PDSS2: variants seen among roughly 807,000 people sequenced by gnomAD.
The protein encoded by PDSS2 is all trans-polyprenyl-diphosphate synthase PDSS2.
PDSS2 carries 31 observed loss-of-function variants against 44.5 expected under a neutral mutation model. The observed-to-expected ratio is 0.70, with a 90% CI of 0.52 to 0.94. The LOEUF is 0.94. PDSS2 is among the 40% of genes least tolerant of loss of function. PDSS2 has a pLI of 0.00. For missense variants in PDSS2, 452 were observed against 482.2 expected, an observed-to-expected ratio of 0.94 and a Z score of 0.59; for synonymous variants, 157 against 180.3, an observed-to-expected ratio of 0.87 and a Z score of 1.03.
At position 107,409,658 on chromosome 6, in the gene PDSS2, T is replaced by C. The variant is rs146256231; in HGVS notation, c.296+49332A>G. On this transcript the variant is annotated intron_variant, in intron 1 of 7. Coordinates refer to ENST00000369037, the MANE Select transcript of PDSS2 (RefSeq NM_020381.4). ...TCCTTCTACTACAACCAAAACAATA[T>C]ACAGCAGGATTTAACTAACATTATG... is the stretch of plus-strand genomic sequence containing the variant. 1.3e-4 allele frequency among the ~76,000 whole-genome samples: 20 copies of C among 152,282 alleles called. No homozygotes were observed. In the East Asian group the frequency reaches 3.9e-3, roughly 29 times the overall value.
At chr6:107,432,882 T>C (rs1484111349) in intron 1 of PDSS2, among the ~76,000 whole-genome samples, 1 of 152,200 alleles carries the variant, frequency 6.6e-6, no homozygotes, top group Non-Finnish European at 1.5e-5. Context: ...TCTTCCCATC[T>C]AGTTGTAACT....
intron 4 of PDSS2, among the ~76,000 whole-genome samples, chr6:107,235,964 C>T (rs994449022): frequency 5.3e-5 from 8 of 151,704 alleles, no homozygotes; most frequent in Non-Finnish European, 1.2e-4. Context: ...TTAAAGCAGC[C>T]TACTATGTAA....
chr6:107,310,046 G>A (rs1167036563), intron 2 of PDSS2, among the ~76,000 whole-genome samples: 1 of 152,136 alleles, frequency 6.6e-6, no homozygotes, highest in East Asian at 1.9e-4. Context: ...AGCACTTCAG[G>A]AGGCTGAGGC....
At chr6:107,196,663 C>T (rs571583399) in intron 6 of PDSS2, among the ~76,000 whole-genome samples, 1 of 152,318 alleles carries the variant, frequency 6.6e-6, no homozygotes, top group South Asian at 2.1e-4. Flanking sequence ...CAGAAACTCA[C>T]CAAGTGATGC....
At chr6:107,358,584 T>C (rs944053424) in intron 1 of PDSS2, among the ~76,000 whole-genome samples, 25 of 152,172 alleles carry the variant, frequency 1.6e-4, no homozygotes, top group African/African-American at 5.8e-4. Flanking sequence ...TCTATATCCA[T>C]AAGTAGCCAG....
intron 2 of PDSS2, among the ~76,000 whole-genome samples, chr6:107,280,111 G>A (rs1775911696): frequency 6.6e-6 from 1 of 152,148 alleles, no homozygotes; most frequent in Admixed American, 6.6e-5. Flanking sequence ...CCAGGCTGGA[G>A]TGCAGTAACG....
chr6:107,364,950 C>CG (rs1368016038), intron 1 of PDSS2, among the ~76,000 whole-genome samples: 3 of 152,112 alleles, frequency 2.0e-5, no homozygotes, highest in Non-Finnish European at 2.9e-5. Flanking sequence ...CTGGGGGAGG[C>CG]GGGGAAGGCT....
At chr6:107,429,884 CAAAAA>C (rs1163895804) in intron 1 of PDSS2, among the ~76,000 whole-genome samples, 46 of 5,360 alleles carry the variant, frequency 8.6e-3, no homozygotes, top group African/African-American at 0.018. Flanking sequence ...AACTTAGTCT[CAAAAA>C]AAAAAAAAAA....
At chr6:107,454,820 G>T (rs1781985226) in intron 1 of PDSS2, among the ~76,000 whole-genome samples, 1 of 152,016 alleles carries the variant, frequency 6.6e-6, no homozygotes, top group Non-Finnish European at 1.5e-5. Context: ...AAAAAATACA[G>T]CTGCTTAATC....
chr6:107,443,328 T>C (rs1211330459), intron 1 of PDSS2, among the ~76,000 whole-genome samples: 1 of 152,224 alleles, frequency 6.6e-6, no homozygotes, highest in Admixed American at 6.5e-5. Flanking sequence ...AGGATAAAAT[T>C]AGATCATCTT....
chr6:107,161,268 C>T (rs1361274745), intron 7 of PDSS2, among the ~76,000 whole-genome samples: 3 of 151,808 alleles, frequency 2.0e-5, no homozygotes, highest in South Asian at 4.2e-4. Context: ...ATCACGAGGT[C>T]GGGAGATCGA....
intron 1 of PDSS2, among the ~76,000 whole-genome samples, chr6:107,366,989 T>C (rs1364641055): frequency 6.6e-6 from 1 of 152,134 alleles, no homozygotes; most frequent in East Asian, 1.9e-4. Context: ...CTGAGGTCAG[T>C]ACTTACCCTA....
At chr6:107,164,772 C>T (rs1196618808) in intron 7 of PDSS2, among the ~76,000 whole-genome samples, 31 of 152,192 alleles carry the variant, frequency 2.0e-4, no homozygotes, top group Admixed American at 2.0e-3. Flanking sequence ...AACTAGTTTA[C>T]AGTTCCATCA....
At chr6:107,447,911 A>T (rs1017939663) in intron 1 of PDSS2, among the ~76,000 whole-genome samples, 2 of 152,170 alleles carry the variant, frequency 1.3e-5, no homozygotes, top group South Asian at 2.1e-4. Flanking sequence ...CTAGGCAGAG[A>T]TTTCCAAACC....
intron 2 of PDSS2, among the ~76,000 whole-genome samples, chr6:107,325,037 A>G (rs1182980784): frequency 6.6e-6 from 1 of 151,934 alleles, no homozygotes; most frequent in Non-Finnish European, 1.5e-5. Context: ...AATTCCCTAA[A>G]TGTAAAGGTT....
intron 7 of PDSS2, among the ~76,000 whole-genome samples, chr6:107,183,447 C>T (rs1772055626): frequency 6.6e-6 from 1 of 152,138 alleles, no homozygotes; most frequent in African/African-American, 2.4e-5. Flanking sequence ...CCTGTAATCT[C>T]AGTACTTTGG....
chr6:107,409,203 A>G (rs1238226435), intron 1 of PDSS2, among the ~76,000 whole-genome samples: 1 of 152,204 alleles, frequency 6.6e-6, no homozygotes. Context: ...CACCCTAAAA[A>G]TCACATGATT....
chr6:107,230,521 C>T (rs1290665125), intron 4 of PDSS2, among the ~76,000 whole-genome samples: 1 of 152,170 alleles, frequency 6.6e-6, no homozygotes, highest in Admixed American at 6.5e-5. Flanking sequence ...CTTCAAACAA[C>T]AATCATTTAT....
At chr6:107,335,219 T>G (rs2115252563) in intron 1 of PDSS2, among the ~76,000 whole-genome samples, 1 of 150,438 alleles carries the variant, frequency 6.6e-6, no homozygotes, top group South Asian at 2.1e-4. Context: ...CCTCATTTGC[T>G]CTCTCCTCTT....
Sources: gnomAD v4.1 joint callset for allele counts (sites outside exome capture counted in the v4.1 genomes callset) on GRCh38, gnomAD v4.1.1 for gene constraint, MANE v1.5 for transcripts, NCBI Gene and HGNC (gene_info 2026-07-23, HGNC 2026-07-21) for gene names.